Variants in WLS observed in about 807,000 individuals in gnomAD.
WLS encodes protein wntless homolog.
A neutral mutation model predicts 62.8 loss-of-function variants in WLS; 23 were observed. That is an observed-to-expected ratio of 0.37 (90% CI 0.26 to 0.52). The LOEUF (loss-of-function observed/expected upper bound fraction) is 0.52. WLS is among the 20% of genes least tolerant of loss of function. The probability of loss-of-function intolerance (pLI) is 0.92; values close to 1 mark genes in which losing one functional copy is unlikely to be tolerated. For missense variants in WLS, 615 were observed against 697.3 expected, an observed-to-expected ratio of 0.88 and a Z score of 1.33; for synonymous variants, 246 against 244.1, an observed-to-expected ratio of 1.01 and a Z score of -0.07.
chr1:68,159,659 T>A (rs1438428082), intron 2 of WLS, among the ~76,000 whole-genome samples: 3 of 152,194 alleles, frequency 2.0e-5, no homozygotes, highest in African/African-American at 4.8e-5. Context: ...CTGCCTGCAT[T>A]CTCTTTCCTC....
intron 5 of WLS, among the ~76,000 whole-genome samples, chr1:68,152,208 C>G (rs1382533575): frequency 6.6e-6 from 1 of 152,102 alleles, no homozygotes; most frequent in African/African-American, 2.4e-5. Context: ...ATTTTCAATG[C>G]AAATGAAGAC....
intron 10 of WLS, among the ~76,000 whole-genome samples, chr1:68,139,165 AC>A (rs1646652376): frequency 6.6e-6 from 1 of 152,210 alleles, no homozygotes; most frequent in African/African-American, 2.4e-5. Context: ...TCATAAACAA[AC>A]CACTATTATG....
In WLS at chr1:68,126,156, G is replaced by T. The variant is rs912456165; in HGVS notation, c.*70C>A. 11 of 1,588,038 alleles carry T rather than the reference G, an allele frequency of 6.9e-6. No homozygotes were observed. The highest frequency in any genetic ancestry group is 9.4e-6 in the Non-Finnish European group (11 of 1,167,320). ...TTCATTTGTACATTGAGCTCTCTCTGGCATGCTCCCCACTCTAGTTAGAGG... is the reference window on the plus strand; with the variant it reads ...TTCATTTGTACATTGAGCTCTCTCTTGCATGCTCCCCACTCTAGTTAGAGG... On this transcript the variant is annotated 3_prime_UTR_variant, in exon 12 of 12. Transcript: ENST00000262348.
chr1:68,196,363 AAAAG>A (rs1172683865), intron 1 of WLS, among the ~76,000 whole-genome samples: 2 of 152,004 alleles, frequency 1.3e-5, no homozygotes, highest in African/African-American at 4.8e-5. Context: ...GTTAGTAGTT[AAAAG>A]AAAGTGTCAT....
intron 10 of WLS, among the ~76,000 whole-genome samples, chr1:68,139,513 C>T (rs1174570811): frequency 6.6e-6 from 1 of 152,180 alleles, no homozygotes; most frequent in African/African-American, 2.4e-5. Flanking sequence ...GGAGGCTAGG[C>T]TGTCACGCAT....
At chr1:68,100,396 C>T (rs1238713435) in intron 11 of WLS, among the ~76,000 whole-genome samples, 1 of 152,032 alleles carries the variant, frequency 6.6e-6, no homozygotes, top group African/African-American at 2.4e-5. Context: ...TCTATAACAC[C>T]CCAAACTCTC....
chr1:68,185,075 C>T (rs776367392), intron 2 of WLS, among the ~76,000 whole-genome samples: 10 of 152,140 alleles, frequency 6.6e-5, no homozygotes, highest in Non-Finnish European at 1.0e-4. Context: ...ACCAAGCAAG[C>T]AATCAATCAC....
intron 1 of WLS, among the ~76,000 whole-genome samples, chr1:68,211,062 C>A (rs1409870708): frequency 1.3e-5 from 2 of 152,192 alleles, no homozygotes; most frequent in African/African-American, 4.8e-5. Context: ...AACCATCCAG[C>A]TAGGGGACAG....
At chr1:68,100,542 G>T (rs78717514) in intron 11 of WLS, among the ~76,000 whole-genome samples, 2,846 of 152,256 alleles carry the variant, frequency 0.019, 100 homozygotes, top group African/African-American at 0.065. Context: ...GGAAGAGGGC[G>T]AATGGGTAGG....
chr1:68,136,839 G>C (rs1570866536), intron 11 of WLS, among the ~76,000 whole-genome samples: 1 of 152,196 alleles, frequency 6.6e-6, no homozygotes, highest in East Asian at 1.9e-4. Flanking sequence ...ACTTCCTAAA[G>C]GTGAGGCCAA....
intron 1 of WLS, among the ~76,000 whole-genome samples, chr1:68,211,367 A>T (rs113059968): frequency 0.018 from 1,926 of 108,128 alleles, 31 homozygotes; most frequent in Non-Finnish European, 0.023. Context: ...TTCTTAAAAA[A>T]CAACAGGTTT....
Position 68,228,078 on chromosome 1 carries a change from T to C in WLS, c.106+4116A>G, listed in dbSNP as rs1650240427. 4 of 230,168 alleles carry C rather than the reference T, an allele frequency of 1.7e-5. No homozygotes were observed. In the South Asian group the frequency reaches 1.9e-4, roughly 11 times the overall value. 14.3% of individuals were successfully genotyped at this position (230,168 alleles called of 1,614,324 possible). A position where few individuals can be genotyped will look rare whatever the true frequency, so the allele number is the denominator to read the frequency against. ...GCACAATTTGAGAAAATTGATTACATATGTGTGTATGTTATATCTTATACA... is the reference window on the plus strand; with the variant it reads ...GCACAATTTGAGAAAATTGATTACACATGTGTGTATGTTATATCTTATACA... On this transcript the variant is annotated intron_variant, in intron 1 of 11. Transcript: ENST00000262348.
At chr1:68,127,058 A>G in intron 11 of WLS, 1 of 398,180 alleles carries the variant, frequency 2.5e-6, no homozygotes, top group Non-Finnish European at 4.9e-6. Context: ...ACCTGCGTGC[A>G]GTAACTCACA....
chr1:68,118,534 C>A (rs1320344170), intron 11 of WLS, among the ~76,000 whole-genome samples: 4 of 152,138 alleles, frequency 2.6e-5, no homozygotes, highest in Non-Finnish European at 5.9e-5. Flanking sequence ...CAATATACTT[C>A]ACAATGATAG....
intron 10 of WLS, among the ~76,000 whole-genome samples, chr1:68,138,819 A>T (rs571714775): frequency 1.1e-3 from 166 of 152,348 alleles, no homozygotes; most frequent in Non-Finnish European, 1.7e-3. Context: ...AATAGAAGAA[A>T]GTATTGGGTA....
At chr1:68,177,760 C>T (rs1272250616) in intron 2 of WLS, among the ~76,000 whole-genome samples, 2 of 152,186 alleles carry the variant, frequency 1.3e-5, no homozygotes, top group African/African-American at 4.8e-5. Flanking sequence ...TCCCAAAGTG[C>T]TGGGATTACA....
intron 11 of WLS, among the ~76,000 whole-genome samples, chr1:68,115,111 C>T (rs1271441127): frequency 6.6e-6 from 1 of 152,206 alleles, no homozygotes; most frequent in Non-Finnish European, 1.5e-5. Flanking sequence ...CCACCACACC[C>T]GGTCATGGGT....
rs1646730383 is a variant in WLS at position 68,144,655 on chromosome 1, AT to A, written c.1279-4del. The A allele has an allele frequency of 6.2e-7, 1 of 1,612,548 alleles. No individual in the cohort carries two copies. Among genetic ancestry groups the A allele is most frequent in the Admixed American group, 1.7e-5 (1 of 59,978 alleles). ...AACTTGAACCTAAAAATTAGCCCCT[AT>A]TAGAAAAGAAAGAGTAGTTTAATAC... On this transcript the variant is annotated splice_polypyrimidine_tract_variant and splice_region_variant and intron_variant, in intron 9 of 11. Coordinates refer to ENST00000262348, the MANE Select transcript of WLS (RefSeq NM_024911.7).
intron 11 of WLS, among the ~76,000 whole-genome samples, chr1:68,110,474 T>C (rs562187616): frequency 4.1e-4 from 63 of 151,862 alleles, no homozygotes; most frequent in Non-Finnish European, 7.7e-4. Context: ...TATTATTGCA[T>C]TAAATAAAAA....
Sources: gnomAD v4.1 joint callset for allele counts (sites outside exome capture counted in the v4.1 genomes callset) on GRCh38, gnomAD v4.1.1 for gene constraint, MANE v1.5 for transcripts, NCBI Gene and HGNC (gene_info 2026-07-23, HGNC 2026-07-21) for gene names.